Variants in GRIK2 observed in about 807,000 individuals in gnomAD.
GRIK2 encodes the protein glutamate receptor ionotropic, kainate 2.
In GRIK2, 32 loss-of-function variants were observed where a neutral mutation model predicts 100.3. The ratio of observed to expected loss-of-function variants is 0.32; its 90% CI spans 0.24 to 0.43. GRIK2 has a LOEUF of 0.43. GRIK2 is among the 20% of genes least tolerant of loss of function. GRIK2 has a pLI of 1.00. For synonymous variants in GRIK2, 417 were observed against 389.4 expected, an observed-to-expected ratio of 1.07 and a Z score of -0.83; for missense variants, 843 against 1,114.9, an observed-to-expected ratio of 0.76 and a Z score of 3.47.
chr6:102,034,337 G>A (rs1232710190), intron 14 of GRIK2, among the ~76,000 whole-genome samples: 1 of 151,336 alleles, frequency 6.6e-6, no homozygotes, highest in Admixed American at 6.6e-5. Flanking sequence ...CCTTGCACAT[G>A]TAGAAATAAA....
chr6:101,701,997 G>C (rs1772932569), intron 7 of GRIK2, among the ~76,000 whole-genome samples: 1 of 151,932 alleles, frequency 6.6e-6, no homozygotes, highest in Admixed American at 6.6e-5. Flanking sequence ...ACAGAAGTGA[G>C]AAAACTCACC....
At chr6:101,567,217 C>A (rs543267819) in intron 2 of GRIK2, among the ~76,000 whole-genome samples, 1 of 151,582 alleles carries the variant, frequency 6.6e-6, no homozygotes. Flanking sequence ...ATTTATTTTG[C>A]GATTTTCTTA....
intron 9 of GRIK2, among the ~76,000 whole-genome samples, chr6:101,812,685 A>G (rs1562407313): frequency 1.3e-5 from 2 of 152,086 alleles, no homozygotes; most frequent in Non-Finnish European, 1.5e-5. Flanking sequence ...CAGTTAAAAT[A>G]TAATATGATA....
At chr6:101,905,922 A>G (rs1328079900) in intron 12 of GRIK2, among the ~76,000 whole-genome samples, 6 of 151,632 alleles carry the variant, frequency 4.0e-5, no homozygotes, top group Non-Finnish European at 8.9e-5. Context: ...TGATGACTTT[A>G]TGAATAAATA....
chr6:101,825,778 C>T (rs1782285367), intron 10 of GRIK2, among the ~76,000 whole-genome samples: 1 of 151,970 alleles, frequency 6.6e-6, no homozygotes, highest in Non-Finnish European at 1.5e-5. Flanking sequence ...GAATTCAGCT[C>T]AGCCACTAGC....
At chr6:101,480,850 A>T (rs1772491113) in intron 2 of GRIK2, among the ~76,000 whole-genome samples, 1 of 152,208 alleles carries the variant, frequency 6.6e-6, no homozygotes, top group African/African-American at 2.4e-5. Context: ...TTATAATGAC[A>T]AATATTGGTA....
At chr6:101,949,302 A>G (rs1791469551) in intron 14 of GRIK2, among the ~76,000 whole-genome samples, 1 of 152,010 alleles carries the variant, frequency 6.6e-6, no homozygotes, top group South Asian at 2.1e-4. Flanking sequence ...TATAATAGAA[A>G]TTTATCAAAT....
At chr6:101,546,670 CAT>C (rs1313319588) in intron 2 of GRIK2, among the ~76,000 whole-genome samples, 1 of 152,060 alleles carries the variant, frequency 6.6e-6, no homozygotes, top group East Asian at 1.9e-4. Flanking sequence ...CAATGCCTGA[CAT>C]ATTCCAAGTG....
At chr6:101,671,597 G>A (rs1202004356) in intron 4 of GRIK2, among the ~76,000 whole-genome samples, 6 of 152,156 alleles carry the variant, frequency 3.9e-5, no homozygotes, top group African/African-American at 7.2e-5. Context: ...TGGGCACGGT[G>A]GCTCACGACT....
Position 102,050,648 on chromosome 6 carries a change from TA to T in GRIK2, c.2312-4663del, listed in dbSNP as rs146553452. ...TGGGCGACAAGAGCAAAACTCGGTCTAAAAAAAAAAAAAAAAAAACGGAATA... is the reference window on the plus strand; with the variant it reads ...TGGGCGACAAGAGCAAAACTCGGTCTAAAAAAAAAAAAAAAAAACGGAATA... On this transcript the variant is annotated intron_variant, in intron 15 of 16. Transcript: ENST00000369134. Among the ~76,000 whole-genome samples the T allele has an allele frequency of 8.4e-3, 363 of 43,344 alleles. 2 individuals are homozygous for T. The highest frequency in any genetic ancestry group is 0.019 in the African/African-American group (202 of 10,904). 28.4% of individuals were successfully genotyped at this position (43,344 alleles called of 152,430 possible).
At chr6:101,966,726 T>C (rs1450182064) in intron 14 of GRIK2, among the ~76,000 whole-genome samples, 2 of 152,092 alleles carry the variant, frequency 1.3e-5, no homozygotes, top group South Asian at 2.1e-4. Flanking sequence ...GAGATTATGA[T>C]TGATAGGATA....
chr6:101,950,305 T>G (rs1168745333), intron 14 of GRIK2, among the ~76,000 whole-genome samples: 1 of 152,184 alleles, frequency 6.6e-6, no homozygotes, highest in Non-Finnish European at 1.5e-5. Flanking sequence ...TATAGCTTTA[T>G]GTTTATCTCA....
chr6:101,429,162 T>C (rs1769233883), intron 2 of GRIK2, among the ~76,000 whole-genome samples: 1 of 152,212 alleles, frequency 6.6e-6, no homozygotes, highest in Non-Finnish European at 1.5e-5. Context: ...ACATATGAAC[T>C]GAACCGGATC....
chr6:101,778,702 A>G (rs1405609347), intron 7 of GRIK2, among the ~76,000 whole-genome samples: 1 of 152,164 alleles, frequency 6.6e-6, no homozygotes, highest in African/African-American at 2.4e-5. Context: ...AATTTGATAT[A>G]CTAACGTTCT....
At chr6:101,845,002 T>TTTGTTG (rs141350986) in intron 10 of GRIK2, among the ~76,000 whole-genome samples, 208 of 150,988 alleles carry the variant, frequency 1.4e-3, no homozygotes, top group East Asian at 4.0e-3. Flanking sequence ...TCATTGTTTG[T>TTTGTTG]TTGTTGTTGT....
chr6:101,765,862 T>G (rs1439246780), intron 7 of GRIK2, among the ~76,000 whole-genome samples: 3 of 152,178 alleles, frequency 2.0e-5, no homozygotes, highest in African/African-American at 7.2e-5. Context: ...ATAGCAAATT[T>G]GGATTTTCTT....
At chr6:101,870,147 T>A (rs1216835497) in intron 11 of GRIK2, among the ~76,000 whole-genome samples, 2 of 152,084 alleles carry the variant, frequency 1.3e-5, no homozygotes, top group South Asian at 2.1e-4. Context: ...CTAAACTATC[T>A]TTGTTCACTG....
intron 7 of GRIK2, among the ~76,000 whole-genome samples, chr6:101,736,181 C>T (rs1775620430): frequency 6.6e-6 from 1 of 152,222 alleles, no homozygotes; most frequent in Non-Finnish European, 1.5e-5. Context: ...TCCCTCATGA[C>T]TGCTTTCATG....
chr6:101,415,277 C>T (rs1776077691), intron 2 of GRIK2, among the ~76,000 whole-genome samples: 1 of 151,064 alleles, frequency 6.6e-6, no homozygotes, highest in Non-Finnish European at 1.5e-5. Context: ...TTATATTTAT[C>T]CTTGATCTTA....
Sources: gnomAD v4.1 joint callset for allele counts (sites outside exome capture counted in the v4.1 genomes callset) on GRCh38, gnomAD v4.1.1 for gene constraint, MANE v1.5 for transcripts, NCBI Gene and HGNC (gene_info 2026-07-23, HGNC 2026-07-21) for gene names.